Variants in MAGEB2 observed in about 807,000 individuals in gnomAD.
MAGEB2 encodes the protein MAGE family member B2.
For missense variants in MAGEB2, 365 were observed against 243.2 expected (o/e 1.50, Z -3.33); for synonymous variants, 107 against 96.2 (o/e 1.11, Z -0.66).
rs1027874219 is a variant in MAGEB2, at chrX:30,219,291, G to A, written c.711G>A (p.Glu237=). The change falls in exon 2 of 2, where the codon GAG becomes GAA. Residue 237 remains glutamate (E), a synonymous_variant. Coordinates refer to ENST00000378988, the MANE Select transcript of MAGEB2 (RefSeq NM_002364.5). ...LNMLGVYDGE[E]HSVFGEPWKL... ...TGTTGGGAGTCTATGATGGAGAGGAGCACTCAGTCTTTGGGGAACCCTGGA... is the reference window on the plus strand; with the variant it reads ...TGTTGGGAGTCTATGATGGAGAGGAACACTCAGTCTTTGGGGAACCCTGGA... The A allele has an allele frequency of 8.3e-7, 1 of 1,209,806 alleles. No homozygotes were observed. The highest frequency in any genetic ancestry group is 1.1e-6 in the Non-Finnish European group (1 of 895,091).
Position 30,219,189 on chromosome X carries a change from T to G in MAGEB2, c.609T>G (p.Leu203=). The G allele has an allele frequency of 3.3e-6, 4 of 1,210,240 alleles. No homozygotes were observed. The highest frequency in any genetic ancestry group is 2.3e-4 in the Middle Eastern group (1 of 4,353). ...CCTGGGACTTTCCCAGGAGAAAGCT[T>G]CTGATGCCTCTCCTGGGTGTGATCT... is the stretch of plus-strand genomic sequence containing the variant. ...LSSWDFPRRK[L]LMPLLGVIFL... The change falls in exon 2 of 2, where the codon CTT becomes CTG. Residue 203 remains leucine, a synonymous_variant. Transcript: ENST00000378988.
chrX:30,218,542 C>T (rs1569249736), intron 1 of MAGEB2, 34 bp from the exon 2 acceptor site: 2 of 1,173,423 alleles, frequency 1.7e-6, no homozygotes, highest in African/African-American at 3.5e-5. Flanking sequence ...TACTAACCAT[C>T]TATTCTTCTG....
chrX:30,219,854 A>G lies in MAGEB2; in HGVS notation c.*314A>G. ...TGTTTTTTGAGTGAAACAACTTATT[A>G]ATAAAAATCCTTAAATCACTTTTGT... is the stretch of plus-strand genomic sequence containing the variant. On this transcript the variant is annotated 3_prime_UTR_variant, in exon 2 of 2. Transcript: ENST00000378988. 5.6e-6 allele frequency: 1 copy of G among 179,538 alleles called. No homozygotes were observed. The allele number at this position is 179,538 out of a possible 1,213,427, so 14.8% of individuals were successfully genotyped here.
chrX:30,217,023 C>T (rs1270789320), intron 1 of MAGEB2, among the ~76,000 whole-genome samples: 1 of 110,645 alleles, frequency 9.0e-6, no homozygotes, highest in African/African-American at 3.3e-5. Flanking sequence ...ATCCTCAGTA[C>T]TGTCAGCTCT....
At chrX:30,216,697 G>A (rs929344467) in intron 1 of MAGEB2, among the ~76,000 whole-genome samples, 24 of 104,179 alleles carry the variant, frequency 2.3e-4, no homozygotes, top group African/African-American at 6.4e-4. Context: ...TGGCTAACAC[G>A]GTGAAACCCT....
chrX:30,218,754 T>A lies in MAGEB2; in HGVS notation c.174T>A (p.Ile58=). 8.4e-7 allele frequency: 1 copy of A among 1,193,816 alleles called. No individual in the cohort carries two copies. The highest frequency in any genetic ancestry group is 1.1e-6 in the Non-Finnish European group (1 of 885,627). ...CTTCAAGCTCTCCTGCTGCTGGCATTCCCCAGGAGCCTCAGAGAGCCCCAA... is the reference window on the plus strand; with the variant it reads ...CTTCAAGCTCTCCTGCTGCTGGCATACCCCAGGAGCCTCAGAGAGCCCCAA... ...GAASSSPAAG[I]PQEPQRAPTT... Residue 58 remains isoleucine (I), a synonymous_variant, in exon 2 of 2, where the codon ATT becomes ATA. Transcript: ENST00000378988.
chrX:30,218,420 T>C (rs778798000), intron 1 of MAGEB2, among the ~76,000 whole-genome samples, 156 bp from the exon 2 acceptor site: 1 of 111,696 alleles, frequency 9.0e-6, no homozygotes, highest in East Asian at 2.8e-4. Context: ...CTTGTGGCTT[T>C]CTAGAACAGT....
Position 30,219,879 on chromosome X carries a change from T to G in MAGEB2, c.*339T>G, listed in dbSNP as rs1055907752. ...AATAAAAATCCTTAAATCACTTTTG[T>G]AATCCAGGACAAGAAAATGTGGCAT... On this transcript the variant is annotated 3_prime_UTR_variant, in exon 2 of 2. Transcript: ENST00000378988. 21 of 152,283 alleles carry G rather than the reference T, an allele frequency of 1.4e-4. No homozygotes were observed. The highest frequency in any genetic ancestry group is 6.3e-4 in the African/African-American group (20 of 31,970). The allele number at this position is 152,283 out of a possible 1,213,427, so 12.5% of individuals were successfully genotyped here.
Position 30,216,885 on chromosome X carries a change from T to TA in MAGEB2, c.-6+1230_-6+1231insA, listed in dbSNP as rs1278361862. On this transcript the variant is annotated intron_variant, in intron 1 of 1. Coordinates refer to ENST00000378988, the MANE Select transcript of MAGEB2 (RefSeq NM_002364.5). ...AGGCGAAAGGGCGAGACTCCGTCTC[T>TA]TAAAAAAAAAAAAAAAAAAGGCAGC... 4.1e-4 allele frequency among the ~76,000 whole-genome samples: 37 copies of TA among 89,320 alleles called. 1 individual carries two copies. The highest frequency in any genetic ancestry group is 1.0e-3 in the South Asian group (2 of 1,975). The allele number at this position is 89,320 out of a possible 115,157, so 77.6% of individuals were successfully genotyped here.
Position 30,215,644 on chromosome X carries a change from T to C in MAGEB2, c.-17T>C, listed in dbSNP as rs1424022929. On this transcript the variant is annotated 5_prime_UTR_variant, in exon 1 of 2. Coordinates refer to ENST00000378988, the MANE Select transcript of MAGEB2 (RefSeq NM_002364.5). ...GCCAGGGGTGAATTCTCAGGACTGG[T>C]CGGCAGTCAAGGTGAGGACCCTGAG... 1 of 109,685 alleles carries C rather than the reference T, an allele frequency of 9.1e-6. No homozygotes were observed. The highest frequency in any genetic ancestry group is 2.9e-4 in the East Asian group (1 of 3,427). 9.0% of individuals were successfully genotyped at this position (109,685 alleles called of 1,213,427 possible). A position where few individuals can be genotyped will look rare whatever the true frequency, so the allele number is the denominator to read the frequency against.
chrX:30,219,728 A>G lies in MAGEB2; in HGVS notation c.*188A>G. 2.7e-6 allele frequency: 1 copy of G among 366,674 alleles called. No individual in the cohort carries two copies. 30.2% of individuals were successfully genotyped at this position (366,674 alleles called of 1,213,427 possible). A position where few individuals can be genotyped will look rare whatever the true frequency, so the allele number is the denominator to read the frequency against. Reference sequence around the variant, plus strand: ...TTGACTTTTTTTTTTTCTCTTTTTCAACTAGTGTTTCAACAGGTTTATTTA... The same window carrying G: ...TTGACTTTTTTTTTTTCTCTTTTTCGACTAGTGTTTCAACAGGTTTATTTA... On this transcript the variant is annotated 3_prime_UTR_variant, in exon 2 of 2. Coordinates refer to ENST00000378988, the MANE Select transcript of MAGEB2 (RefSeq NM_002364.5).
intron 1 of MAGEB2, among the ~76,000 whole-genome samples, chrX:30,216,840 G>C (rs1480339105): frequency 2.9e-5 from 3 of 102,804 alleles, no homozygotes; most frequent in Non-Finnish European, 5.9e-5. Flanking sequence ...AGCCGAGATA[G>C]AGCCACTGCA....
rs1313274847 is a variant in MAGEB2, at chrX:30,218,763, G to A, written c.183G>A (p.Glu61=). 4.2e-6 allele frequency: 5 copies of A among 1,189,294 alleles called. No individual in the cohort carries two copies. Among genetic ancestry groups the A allele is most frequent in the East Asian group, 3.0e-5 (1 of 32,836 alleles). Residue 61 remains glutamate, a synonymous_variant, in exon 2 of 2, where the codon GAG becomes GAA. Transcript: ENST00000378988. ...CTCCTGCTGCTGGCATTCCCCAGGA[G>A]CCTCAGAGAGCCCCAACCACTGCCG... ...SSSPAAGIPQ[E]PQRAPTTAAA... is the part of the protein sequence containing the mutation.
chrX:30,216,777 C>T (rs1279178972), intron 1 of MAGEB2, among the ~76,000 whole-genome samples: 2 of 106,724 alleles, frequency 1.9e-5, no homozygotes, highest in African/African-American at 6.9e-5. Context: ...CCCAGCTACT[C>T]GGGAGGCTGA....
Position 30,219,107 on chromosome X carries a change from A to G in MAGEB2, c.527A>G (p.His176Arg). 1 of 1,210,912 alleles carries G rather than the reference A, an allele frequency of 8.3e-7. No homozygotes were observed. The highest frequency in any genetic ancestry group is 1.1e-6 in the Non-Finnish European group (1 of 894,936). The stretch of plus-strand genomic sequence containing the variant: ...CTGAATAAAGTCAACCCCAACGGCC[A>G]CACTTACACCTTCATCGACAAGGTA... ...LELNKVNPNG[H>R]TYTFIDKVDL... is the part of the protein sequence containing the mutation. The change falls in exon 2 of 2, where the codon CAC becomes CGC. Residue 176 changes from histidine to arginine, a missense_variant. Transcript: ENST00000378988.
rs778488431 is a variant in MAGEB2, at chrX:30,218,747, C to T, written c.167C>T (p.Ala56Val). 9.2e-6 allele frequency: 11 copies of T among 1,194,112 alleles called. No individual in the cohort carries two copies. The highest frequency in any genetic ancestry group is 1.2e-5 in the Non-Finnish European group (11 of 886,480). ...GGTGCTGCTTCAAGCTCTCCTGCTGCTGGCATTCCCCAGGAGCCTCAGAGA... is the reference window on the plus strand; with the variant it reads ...GGTGCTGCTTCAAGCTCTCCTGCTGTTGGCATTCCCCAGGAGCCTCAGAGA... ...SGGAASSSPA[A>V]GIPQEPQRAP... Residue 56 changes from alanine (A) to valine (V), a missense_variant, in exon 2 of 2, where the codon GCT becomes GTT. Transcript: ENST00000378988.
chrX:30,219,179 G>A lies in MAGEB2; in HGVS notation c.599G>A (p.Arg200Lys), dbSNP rs1263957644. 1.7e-6 allele frequency: 2 copies of A among 1,210,888 alleles called. No homozygotes were observed. Among genetic ancestry groups the A allele is most frequent in the Middle Eastern group, 2.3e-4 (1 of 4,351 alleles). Reference protein sequence around the residue: ...ESLLSSWDFPRRKLLMPLLGV... With the variant: ...ESLLSSWDFPKRKLLMPLLGV... ...CTGCTCAGTTCCTGGGACTTTCCCA[G>A]GAGAAAGCTTCTGATGCCTCTCCTG... The change falls in exon 2 of 2, where the codon AGG (arginine) becomes AAG (lysine). Residue 200 changes from arginine to lysine, a missense_variant. By Grantham distance (26) the Arg-to-Lys change is conservative. Transcript: ENST00000378988.
chrX:30,219,158 TC>T lies in MAGEB2; in HGVS notation c.579del (p.Ser194ValfsTer11). The T allele has an allele frequency of 1.7e-6, 2 of 1,210,856 alleles. No homozygotes were observed. The highest frequency in any genetic ancestry group is 2.2e-6 in the Non-Finnish European group (2 of 895,103). Reference sequence around the variant, plus strand: ...GACCTCACTGATGAGGAATCCCTGCTCAGTTCCTGGGACTTTCCCAGGAGAA... The same window carrying T: ...GACCTCACTGATGAGGAATCCCTGCTAGTTCCTGGGACTTTCCCAGGAGAA... ...KVDLTDEESL[L>X]SSWDFPRRKL... On this transcript the variant is annotated frameshift_variant, in exon 2 of 2. Transcript: ENST00000378988. LOFTEE classifies it low-confidence loss of function (END_TRUNC).
Position 30,218,692 on chromosome X carries a change from GC to G in MAGEB2, c.117del (p.Cys40AlafsTer72). On this transcript the variant is annotated frameshift_variant, in exon 2 of 2. Transcript: ENST00000378988. LOFTEE classifies it low-confidence loss of function (END_TRUNC). ...PQVTEAEEEEAPCCSSSVSGG... is the reference protein window; with the variant it reads ...PQVTEAEEEEXPCCSSSVSGG... The stretch of plus-strand genomic sequence containing the variant: ...GGTCACTGAAGCAGAGGAAGAAGAG[GC>G]CCCCTGCTGTTCCTCTTCTGTTTCT... 2.5e-6 allele frequency: 3 copies of G among 1,205,973 alleles called. No individual in the cohort carries two copies. The highest frequency in any genetic ancestry group is 3.4e-6 in the Non-Finnish European group (3 of 892,125).
Sources: allele counts gnomAD v4.1 joint callset (sites outside exome capture counted in the v4.1 genomes callset), GRCh38; gene constraint gnomAD v4.1.1; transcripts MANE v1.5; gene names NCBI Gene and HGNC (gene_info 2026-07-23, HGNC 2026-07-21).